KHDC1L: variants seen among roughly 807,000 people sequenced by gnomAD.
KHDC1L encodes KHDC1-like protein.
A neutral mutation model predicts 11.2 loss-of-function variants in KHDC1L; 5 were observed. That is an observed-to-expected ratio of 0.45 (90% CI 0.23 to 0.94). KHDC1L has a LOEUF of 0.94. Among genes scored for constraint, KHDC1L ranks in the 40% least tolerant of loss-of-function variants. The pLI is 0.22. For missense variants in KHDC1L, 168 were observed against 165.8 expected, an observed-to-expected ratio of 1.01 and a Z score of -0.07; for synonymous variants, 66 against 62.7, an observed-to-expected ratio of 1.05 and a Z score of -0.25.
intron 1 of KHDC1L, 88 bp from the exon 2 acceptor site, chr6:73,224,436 T>A: frequency 1.8e-6 from 2 of 1,133,744 alleles, no homozygotes; most frequent in Non-Finnish European, 2.5e-6. Context: ...GATGTGTGAC[T>A]CATGAAGGTG....
rs557308755 is a variant in KHDC1L at position 73,225,413 on chromosome 6, T to C, written c.-5A>G. ...AGCACTCGTTCCCACGGCCATGCTG[T>C]GCTCCCACCTGATTCAGAATAGGGG... On this transcript the variant is annotated 5_prime_UTR_variant, in exon 1 of 3. Coordinates refer to ENST00000370388, the MANE Select transcript of KHDC1L (RefSeq NM_001126063.3). 244 of 1,607,148 alleles carry C rather than the reference T, an allele frequency of 1.5e-4. 4 individuals carry two copies. In the South Asian group the frequency reaches 2.6e-3, roughly 17 times the overall value.
At chr6:73,224,447 G>A (rs2150538844) in intron 1 of KHDC1L, 99 bp from the exon 2 acceptor site, 3 of 989,174 alleles carry the variant, frequency 3.0e-6, no homozygotes, top group East Asian at 2.7e-5. Flanking sequence ...CATGAAGGTG[G>A]GAGGAGAGGG....
In KHDC1L at chr6:73,223,677, G is replaced by A. The variant is rs1488775699; in HGVS notation, c.*71C>T. On this transcript the variant is annotated 3_prime_UTR_variant, in exon 3 of 3. Transcript: ENST00000370388. ...TGGCCACAAATTCAAACTTTCTTCAGTGTTTTTCATGTCTTTCTCACCAAA... is the reference window on the plus strand; with the variant it reads ...TGGCCACAAATTCAAACTTTCTTCAATGTTTTTCATGTCTTTCTCACCAAA... 2 of 1,300,718 alleles carry A rather than the reference G, an allele frequency of 1.5e-6. No individual in the cohort carries two copies. The highest frequency in any genetic ancestry group is 1.3e-5 in the South Asian group (1 of 77,272). 80.6% of individuals were successfully genotyped at this position (1,300,718 alleles called of 1,614,324 possible).
In KHDC1L at chr6:73,224,157, G is replaced by T. The variant is rs776834490; in HGVS notation, c.295+9C>A. On this transcript the variant is annotated intron_variant, in intron 2 of 2. Transcript: ENST00000370388. The stretch of plus-strand genomic sequence containing the variant: ...CCTCCACCTCCACAGTTCGGCCAAG[G>T]ATACCTACCTCGAGCGTGACACTTG... The T allele has an allele frequency of 1.0e-4, 157 of 1,547,874 alleles. 2 individuals carry two copies. In the Middle Eastern group the frequency reaches 1.3e-3, roughly 13 times the overall value.
chr6:73,224,878 G>A (rs1766333348), intron 1 of KHDC1L, among the ~76,000 whole-genome samples: 1 of 145,430 alleles, frequency 6.9e-6, no homozygotes, highest in African/African-American at 2.6e-5. Flanking sequence ...TGAGGAAATC[G>A]AGACCATCCT....
Position 73,224,157 on chromosome 6 carries a change from GA to G in KHDC1L, c.295+8del, listed in dbSNP as rs1766313254. ...CCTCCACCTCCACAGTTCGGCCAAGGATACCTACCTCGAGCGTGACACTTGG... is the reference window on the plus strand; with the variant it reads ...CCTCCACCTCCACAGTTCGGCCAAGGTACCTACCTCGAGCGTGACACTTGG... On this transcript the variant is annotated splice_region_variant and intron_variant, in intron 2 of 2. Transcript: ENST00000370388. 2 of 1,547,874 alleles carry G rather than the reference GA, an allele frequency of 1.3e-6. No homozygotes were observed. Among genetic ancestry groups the G allele is most frequent in the Non-Finnish European group, 1.7e-6 (2 of 1,145,606 alleles).
intron 2 of KHDC1L, 146 bp from the exon 3 acceptor site, chr6:73,223,985 C>T: frequency 3.1e-6 from 3 of 975,698 alleles, no homozygotes; most frequent in South Asian, 3.3e-5. Context: ...CCCTGCTACC[C>T]TCTCCTCCCT....
Position 73,223,759 on chromosome 6 carries a change from T to C in KHDC1L, c.376A>G (p.Thr126Ala), listed in dbSNP as rs1407330780. The C allele has an allele frequency of 3.1e-6, 5 of 1,606,124 alleles. No individual in the cohort carries two copies. The highest frequency in any genetic ancestry group is 2.2e-5 in the East Asian group (1 of 44,732). Reference protein sequence around the residue: ...LVTSVSLPPYTGD With the variant: ...LVTSVSLPPYAGD ...CTTCCCAGGGGAGATCAGTCTCCGG[T>C]GTACGGTGGCAGGCTAACGGAGGTG... is the stretch of plus-strand genomic sequence containing the variant. Residue 126 changes from threonine to alanine, a missense_variant, in exon 3 of 3, where the codon ACC becomes GCC. Transcript: ENST00000370388.
chr6:73,223,772 G>A lies in KHDC1L; in HGVS notation c.363C>T (p.Ser121=). The A allele has an allele frequency of 6.2e-7, 1 of 1,607,342 alleles. No individual in the cohort carries two copies. The change falls in exon 3 of 3, where the codon AGC becomes AGT. Residue 121 remains serine, a synonymous_variant. Coordinates refer to ENST00000370388, the MANE Select transcript of KHDC1L (RefSeq NM_001126063.3). ...LTNDDLVTSV[S]LPPYTGD The stretch of plus-strand genomic sequence containing the variant: ...ATCAGTCTCCGGTGTACGGTGGCAG[G>A]CTAACGGAGGTGACCAGGTCATCAT...
At position 73,223,746 on chromosome 6, in the gene KHDC1L, G is replaced by T. The variant is rs1429769592; in HGVS notation, c.*2C>A. 4 of 1,601,994 alleles carry T rather than the reference G, an allele frequency of 2.5e-6. 1 individual carries two copies. The South Asian group carries it at 4.5e-5, about 18-fold the overall frequency. ...CCTCTCATCCCCTCTTCCCAGGGGA[G>T]ATCAGTCTCCGGTGTACGGTGGCAG... On this transcript the variant is annotated 3_prime_UTR_variant, in exon 3 of 3. Coordinates refer to ENST00000370388, the MANE Select transcript of KHDC1L (RefSeq NM_001126063.3).
rs1425202428 is a variant in KHDC1L, at chr6:73,224,310, T to C, written c.151A>G (p.Ser51Gly). The change falls in exon 2 of 3, where the codon AGC (serine) becomes GGC (glycine). Residue 51 changes from serine (S) to glycine (G), a missense_variant. Ser to Gly is a moderately conservative substitution (Grantham distance 56, BLOSUM62 0). Transcript: ENST00000370388. The part of the protein sequence containing the change: ...DTYLRCIELH[S>G]HTLIQLERCF... ...CTCTCCAGCTGAATAAGGGTGTGGC[T>C]GTGCAGCTCAATGCAGCGAAGGTAC... is the stretch of plus-strand genomic sequence containing the variant. 5.0e-6 allele frequency: 8 copies of C among 1,597,706 alleles called. No individual in the cohort carries two copies. The highest frequency in any genetic ancestry group is 1.7e-5 in the Admixed American group (1 of 57,860).
Position 73,224,168 on chromosome 6 carries a change from C to T in KHDC1L, c.293G>A (p.Arg98Gln), listed in dbSNP as rs1018304065. 5 of 1,556,604 alleles carry T rather than the reference C, an allele frequency of 3.2e-6. No homozygotes were observed. Among genetic ancestry groups the T allele is most frequent in the Non-Finnish European group, 4.3e-6 (5 of 1,150,284 alleles). Residue 98 changes from arginine to glutamine, a missense_variant and splice_region_variant, in exon 2 of 3, where the codon CGA (arginine) becomes CAA (glutamine). Transcript: ENST00000370388. ...ACAGTTCGGCCAAGGATACCTACCT[C>T]GAGCGTGACACTTGGAGTCCTGGCT... is the stretch of plus-strand genomic sequence containing the variant. ...VGSQDSKCHA[R>Q]GLKMLERVRS...
At chr6:73,224,681 CAGG>C (rs1342763228) in intron 1 of KHDC1L, among the ~76,000 whole-genome samples, 2 of 139,764 alleles carry the variant, frequency 1.4e-5, no homozygotes, top group Non-Finnish European at 3.0e-5. Context: ...GAGGCTGCGG[CAGG>C]AGAATGGCGT....
rs533494684 is a variant in KHDC1L, at chr6:73,223,821, C to T, written c.314G>A (p.Arg105His). Reference sequence around the variant, plus strand: ...ATTGGTCAGGGGCTGGCTTCGGACACGCTCTAGCATCTTCAGACCTGCAAA... The same window carrying T: ...ATTGGTCAGGGGCTGGCTTCGGACATGCTCTAGCATCTTCAGACCTGCAAA... Reference protein sequence around the residue: ...CHARGLKMLERVRSQPLTNDD... With the variant: ...CHARGLKMLEHVRSQPLTNDD... The change falls in exon 3 of 3, where the codon CGT (arginine) becomes CAT (histidine). Residue 105 changes from arginine (R) to histidine (H), a missense_variant. Transcript: ENST00000370388. 1.0e-4 allele frequency: 163 copies of T among 1,601,322 alleles called. No homozygotes were observed. The highest frequency in any genetic ancestry group is 7.0e-4 in the East Asian group (31 of 44,524).
chr6:73,224,222 C>T lies in KHDC1L; in HGVS notation c.239G>A (p.Trp80Ter), dbSNP rs781522187. The T allele has an allele frequency of 4.4e-6, 7 of 1,576,684 alleles. No individual in the cohort carries two copies. The highest frequency in any genetic ancestry group is 1.3e-5 in the African/African-American group (1 of 74,122). ...TVVGPPMAKQ[W>*]LLLMFHCVGS... is the part of the protein sequence containing the mutation. ...CACGCAATGGAACATGAGCAGCAGC[C>T]ACTGCTTTGCCATTGGTGGTCCGAC... Residue 80 changes from tryptophan to a stop codon, truncating the protein, a stop_gained, in exon 2 of 3, where the codon TGG becomes TAG. Transcript: ENST00000370388. LOFTEE classifies it high-confidence loss of function.
intron 1 of KHDC1L, 26 bp from the exon 2 acceptor site, chr6:73,224,374 A>T (rs929413057): frequency 6.6e-7 from 1 of 1,522,952 alleles, no homozygotes. Context: ...GTGAGAAGAG[A>T]AACTGTCAGC....
intron 1 of KHDC1L, among the ~76,000 whole-genome samples, 169 bp downstream of exon 1, chr6:73,225,128 G>A (rs375458223): frequency 7.9e-5 from 12 of 151,776 alleles, no homozygotes; most frequent in African/African-American, 2.4e-4. Context: ...CTAGTTAGGC[G>A]TGGTGGCAGG....
intron 1 of KHDC1L, 83 bp downstream of exon 1, chr6:73,225,214 C>G: frequency 7.7e-7 from 1 of 1,300,604 alleles, no homozygotes; most frequent in African/African-American, 1.5e-5. Context: ...TTGCAGTGAG[C>G]CAAGATCACG....
Position 73,223,591 on chromosome 6 carries a change from C to T in KHDC1L, c.*157G>A. 2 of 613,398 alleles carry T rather than the reference C, an allele frequency of 3.3e-6. No homozygotes were observed. Among genetic ancestry groups the T allele is most frequent in the Non-Finnish European group, 5.8e-6 (2 of 342,010 alleles). The allele number at this position is 613,398 out of a possible 1,614,324, so 38.0% of individuals were successfully genotyped here. ...TTATTGGATTGCTTTGCCAATAACACTTCTAACACTCAGGAGACTTCCCTC... is the reference window on the plus strand; with the variant it reads ...TTATTGGATTGCTTTGCCAATAACATTTCTAACACTCAGGAGACTTCCCTC... On this transcript the variant is annotated 3_prime_UTR_variant, in exon 3 of 3. Coordinates refer to ENST00000370388, the MANE Select transcript of KHDC1L (RefSeq NM_001126063.3).
Sources: allele counts gnomAD v4.1 joint callset (sites outside exome capture counted in the v4.1 genomes callset), GRCh38; gene constraint gnomAD v4.1.1; transcripts MANE v1.5; gene names NCBI Gene and HGNC (gene_info 2026-07-23, HGNC 2026-07-21).